The following CALN1 variants were observed in gnomAD, a reference collection of about 807,000 sequenced individuals.
CALN1 encodes the protein calneuron 1.
CALN1 carries 17 observed loss-of-function variants against 30.6 expected under a neutral mutation model. The ratio of observed to expected loss-of-function variants is 0.56; its 90% confidence interval spans 0.38 to 0.83. CALN1 has a LOEUF of 0.83. Among genes scored for constraint, CALN1 ranks in the 40% least tolerant of loss-of-function variants. CALN1 has a pLI of 0.00. For missense variants in CALN1, 291 were observed against 354.9 expected (o/e 0.82, Z 1.45); for synonymous variants, 156 against 131.4 (o/e 1.19, Z -1.28).
At chr7:72,017,174 A>T (rs1446011233) in intron 5 of CALN1, among the ~76,000 whole-genome samples, 1 of 98,684 alleles carries the variant, frequency 1.0e-5, no homozygotes, top group South Asian at 3.6e-4. Flanking sequence ...AAAAATTAAA[A>T]AAAAAAAAAA....
chr7:71,956,499 T>TA (rs1279685683), intron 5 of CALN1, among the ~76,000 whole-genome samples: 1 of 150,126 alleles, frequency 6.7e-6, no homozygotes, highest in Non-Finnish European at 1.5e-5. Context: ...AACTTTTTTT[T>TA]TTTTTTAAAC....
chr7:72,025,309 T>TA (rs1179040939), intron 4 of CALN1, among the ~76,000 whole-genome samples: 199 of 151,496 alleles, frequency 1.3e-3, no homozygotes, highest in African/African-American at 4.7e-3. Flanking sequence ...AGACTCCATC[T>TA]AAAAAAATAA....
chr7:72,188,096 A>C (rs1790334111), intron 3 of CALN1, among the ~76,000 whole-genome samples: 3 of 152,184 alleles, frequency 2.0e-5, no homozygotes. Context: ...TAAAACTACC[A>C]TTTGATCCAG....
At chr7:71,930,955 TCTA>T (rs1795519554) in intron 5 of CALN1, among the ~76,000 whole-genome samples, 1 of 152,230 alleles carries the variant, frequency 6.6e-6, no homozygotes, top group Non-Finnish European at 1.5e-5. Context: ...CGTACATGTT[TCTA>T]GACAGAGGTC....
intron 2 of CALN1, among the ~76,000 whole-genome samples, chr7:72,347,045 A>C (rs1802682552): frequency 6.6e-6 from 1 of 152,098 alleles, no homozygotes; most frequent in Non-Finnish European, 1.5e-5. Flanking sequence ...CAAACATGTA[A>C]CTGAAGTTTG....
intron 6 of CALN1, among the ~76,000 whole-genome samples, chr7:71,796,800 G>A (rs1786955019): frequency 2.0e-5 from 3 of 152,136 alleles, no homozygotes. Context: ...GAAAGTATTT[G>A]GGAATGAAAC....
chr7:72,460,930 T>A, the CALN1 span, among the ~76,000 whole-genome samples: 1 of 152,152 alleles, frequency 6.6e-6, no homozygotes, highest in African/African-American at 2.4e-5. Flanking sequence ...TTCAGCTCCA[T>A]GGCTCTGAAA....
chr7:72,381,003 G>T (rs865945896), intron 2 of CALN1, among the ~76,000 whole-genome samples: 1 of 152,100 alleles, frequency 6.6e-6, no homozygotes, highest in Admixed American at 6.6e-5. Context: ...AGAGAGGAAT[G>T]AAACATCCAG....
At chr7:71,869,827 A>C (rs1791815693) in intron 5 of CALN1, among the ~76,000 whole-genome samples, 1 of 152,178 alleles carries the variant, frequency 6.6e-6, no homozygotes, top group Non-Finnish European at 1.5e-5. Flanking sequence ...TGCCCCAGAA[A>C]GGTGAGTGAA....
At chr7:72,387,541 T>C (rs1805308993) in intron 2 of CALN1, among the ~76,000 whole-genome samples, 1 of 152,120 alleles carries the variant, frequency 6.6e-6, no homozygotes, top group Admixed American at 6.5e-5. Flanking sequence ...ATGTTGACAG[T>C]GTAAGCCTTT....
chr7:71,902,265 C>CA (rs777100855), intron 5 of CALN1, among the ~76,000 whole-genome samples: 5 of 67,242 alleles, frequency 7.4e-5, no homozygotes, highest in Non-Finnish European at 1.5e-4. Flanking sequence ...ACCAACCAAC[C>CA]AATCAAAAAA....
At chr7:72,345,413 G>GAA (rs71069059) in intron 2 of CALN1, among the ~76,000 whole-genome samples, 1 of 143,948 alleles carries the variant, frequency 6.9e-6, no homozygotes, top group Admixed American at 7.4e-5. Flanking sequence ...AAAGAAAGAA[G>GAA]AGAAAGGAAA....
intron 3 of CALN1, among the ~76,000 whole-genome samples, chr7:72,167,008 T>C (rs1381477441): frequency 6.6e-6 from 1 of 151,428 alleles, no homozygotes; most frequent in African/African-American, 2.4e-5. Flanking sequence ...CACTCCAGCC[T>C]GGGCGACAGA....
intron 2 of CALN1, among the ~76,000 whole-genome samples, chr7:72,310,151 C>G (rs1424773651): frequency 6.6e-6 from 1 of 151,858 alleles, no homozygotes; most frequent in Non-Finnish European, 1.5e-5. Flanking sequence ...CAAAGAGAGG[C>G]AGCCTAGTAG....
chr7:71,824,068 C>G (rs1278127232), intron 5 of CALN1, among the ~76,000 whole-genome samples: 1 of 152,120 alleles, frequency 6.6e-6, no homozygotes, highest in African/African-American at 2.4e-5. Flanking sequence ...TGGGTGGGGA[C>G]ACAGCCACAC....
chr7:72,336,122 G>A (rs917368215), intron 2 of CALN1, among the ~76,000 whole-genome samples: 7 of 152,304 alleles, frequency 4.6e-5, no homozygotes, highest in African/African-American at 1.7e-4. Context: ...CCCCGGACTC[G>A]GGGTGGGTGG....
intron 2 of CALN1, among the ~76,000 whole-genome samples, chr7:72,368,536 T>C (rs1804021255): frequency 1.3e-5 from 2 of 151,886 alleles, no homozygotes; most frequent in Non-Finnish European, 2.9e-5. Context: ...GAAATGAAAA[T>C]GTCTACTGAA....
At chr7:72,364,235 G>C (rs537885491) in intron 2 of CALN1, among the ~76,000 whole-genome samples, 1 of 152,206 alleles carries the variant, frequency 6.6e-6, no homozygotes, top group African/African-American at 2.4e-5. Flanking sequence ...CAAAATTCTA[G>C]GCAATCACAA....
intron 5 of CALN1, among the ~76,000 whole-genome samples, chr7:71,838,866 C>T (rs1439125130): frequency 6.6e-6 from 1 of 152,006 alleles, no homozygotes; most frequent in African/African-American, 2.4e-5. Flanking sequence ...CTGAGGCCTC[C>T]CCAGCCATAC....
Sources: allele counts gnomAD v4.1 joint callset (sites outside exome capture counted in the v4.1 genomes callset), GRCh38; gene constraint gnomAD v4.1.1; transcripts MANE v1.5; gene names NCBI Gene and HGNC (gene_info 2026-07-23, HGNC 2026-07-21).